RIMS2: variants seen among roughly 807,000 people sequenced by gnomAD.
RIMS2 encodes the protein regulating synaptic membrane exocytosis protein 2.
RIMS2 carries 59 observed loss-of-function variants against 174.4 expected under a neutral mutation model. The ratio of observed to expected loss-of-function variants is 0.34; its 90% CI spans 0.27 to 0.42. The LOEUF (loss-of-function observed/expected upper bound fraction) is 0.42. Among genes scored for constraint, RIMS2 ranks in the 10% least tolerant of loss-of-function variants. RIMS2 has a pLI of 1.00. For missense variants in RIMS2, 1,620 were observed against 1,666.3 expected, an observed-to-expected ratio of 0.97 and a Z score of 0.48; for synonymous variants, 606 against 572.5, an observed-to-expected ratio of 1.06 and a Z score of -0.84.
chr8:103,790,834 A>T (rs2098490549), intron 3 of RIMS2, among the ~76,000 whole-genome samples: 1 of 152,234 alleles, frequency 6.6e-6, no homozygotes, highest in African/African-American at 2.4e-5. Flanking sequence ...TTATGTTTAC[A>T]TTGTAAAAAA....
chr8:103,964,554 T>G (rs1188846361), intron 15 of RIMS2, among the ~76,000 whole-genome samples: 1 of 152,160 alleles, frequency 6.6e-6, no homozygotes, highest in Non-Finnish European at 1.5e-5. Context: ...TCTCTGTATA[T>G]TTTGGACAAC....
intron 14 of RIMS2, among the ~76,000 whole-genome samples, chr8:103,955,780 G>A (rs1456728497): frequency 2.0e-5 from 3 of 152,148 alleles, no homozygotes; most frequent in Admixed American, 6.6e-5. Context: ...GAAACAAAGG[G>A]TACTCAAGTA....
chr8:104,042,785 G>A (rs1325103872), intron 19 of RIMS2, among the ~76,000 whole-genome samples: 2 of 151,550 alleles, frequency 1.3e-5, no homozygotes, highest in Non-Finnish European at 3.0e-5. Context: ...TGGTGGTCTG[G>A]AATTCAGGAG....
chr8:103,648,269 T>C (rs2096382917), intron 1 of RIMS2, among the ~76,000 whole-genome samples: 1 of 152,236 alleles, frequency 6.6e-6, no homozygotes, highest in Non-Finnish European at 1.5e-5. Context: ...TTGATTGTGC[T>C]GTAGTCTGAG....
rs115732550 is a variant in RIMS2, at chr8:103,629,436, C to T, written c.177-67650C>T. Among the ~76,000 whole-genome samples, 953 of 152,204 alleles carry T rather than the reference C, an allele frequency of 6.3e-3. 11 individuals carry two copies. Among genetic ancestry groups the T allele is most frequent in the African/African-American group, 0.022 (920 of 41,508 alleles). On this transcript the variant is annotated intron_variant, in intron 1 of 23. Transcript: ENST00000504942. ...CGGGATAACACATAAGTGGGGCAGA[C>T]CAGAAGCATGTTGGAAAGGCTTTGA...
chr8:103,613,068 C>T (rs746803692), intron 1 of RIMS2, among the ~76,000 whole-genome samples: 9 of 152,112 alleles, frequency 5.9e-5, no homozygotes, highest in Non-Finnish European at 8.8e-5. Context: ...TACTCAAACC[C>T]CTAGGGCTCT....
intron 19 of RIMS2, among the ~76,000 whole-genome samples, chr8:104,109,727 G>C (rs2098143137): frequency 6.6e-6 from 1 of 152,094 alleles, no homozygotes; most frequent in Non-Finnish European, 1.5e-5. Context: ...GAATAGGATA[G>C]ATCCATTTTG....
At chr8:103,637,979 TG>T (rs1438228685) in intron 1 of RIMS2, among the ~76,000 whole-genome samples, 1 of 152,142 alleles carries the variant, frequency 6.6e-6, no homozygotes, top group Non-Finnish European at 1.5e-5. Flanking sequence ...TTCCTCAGTT[TG>T]GGTTTGTTTT....
chr8:104,083,840 G>A (rs2097480680), intron 19 of RIMS2, among the ~76,000 whole-genome samples: 1 of 152,094 alleles, frequency 6.6e-6, no homozygotes, highest in Non-Finnish European at 1.5e-5. Flanking sequence ...CAGATGACAT[G>A]AGTTTGAGCT....
intron 2 of RIMS2, among the ~76,000 whole-genome samples, chr8:103,731,796 T>A (rs1414590601): frequency 4.6e-5 from 7 of 152,206 alleles, no homozygotes; most frequent in Non-Finnish European, 1.0e-4. Context: ...CTTGATTCTT[T>A]TGAATCATTT....
intron 1 of RIMS2, among the ~76,000 whole-genome samples, chr8:103,556,884 A>G (rs975712491): frequency 6.6e-6 from 1 of 152,162 alleles, no homozygotes; most frequent in Non-Finnish European, 1.5e-5. Context: ...TTGTTGCAAC[A>G]TTATAGCATT....
exon 19 of RIMS2, chr8:104,014,605 G>A (rs1336539202): frequency 8.7e-6 from 14 of 1,604,546 alleles, no homozygotes; most frequent in East Asian, 6.7e-5. Context: ...CAAAGGGAAC[G>A]TTGGATAGAA....
chr8:103,796,852 C>T (rs1043870638), intron 3 of RIMS2, among the ~76,000 whole-genome samples: 7 of 152,128 alleles, frequency 4.6e-5, no homozygotes, highest in African/African-American at 1.7e-4. Flanking sequence ...AGGTTGTGTG[C>T]AGCAGAACTC....
intron 3 of RIMS2, among the ~76,000 whole-genome samples, chr8:103,791,292 C>T (rs568589114): frequency 1.3e-5 from 2 of 152,256 alleles, no homozygotes; most frequent in African/African-American, 4.8e-5. Flanking sequence ...AAAGAATTTT[C>T]AATCCAGAAT....
intron 19 of RIMS2, among the ~76,000 whole-genome samples, chr8:104,224,506 AATG>A (rs1440683241): frequency 6.6e-6 from 1 of 152,250 alleles, no homozygotes; most frequent in Non-Finnish European, 1.5e-5. Context: ...TGTCAATCAA[AATG>A]ATAATTGACT....
intron 17 of RIMS2, among the ~76,000 whole-genome samples, chr8:104,012,088 G>A (rs1212357672): frequency 2.0e-5 from 3 of 151,746 alleles, no homozygotes; most frequent in African/African-American, 7.3e-5. Context: ...TACATTTAAT[G>A]TCAGTTAATT....
chr8:104,091,675 T>C (rs896473738), intron 19 of RIMS2, among the ~76,000 whole-genome samples: 2 of 150,662 alleles, frequency 1.3e-5, no homozygotes, highest in Non-Finnish European at 3.0e-5. Flanking sequence ...TAGACAGATA[T>C]AACATGGTTA....
At position 104,054,489 on chromosome 8, in the gene RIMS2, A is replaced by G. The variant is rs1410078375; in HGVS notation, c.3334+39874A>G. Among the ~76,000 whole-genome samples, 4 of 152,314 alleles carry G rather than the reference A, an allele frequency of 2.6e-5. No individual in the cohort carries two copies. In the East Asian group the frequency reaches 7.7e-4, roughly 29 times the overall value. On this transcript the variant is annotated intron_variant, in intron 19 of 23. Coordinates refer to ENST00000504942, the Ensembl canonical transcript of RIMS2. ...TGATCCTAATTTGTCTAAAAATGTT[A>G]ATATCACTTTATAAAAAAAATTTAG...
chr8:103,592,707 C>T (rs10090537), intron 1 of RIMS2, among the ~76,000 whole-genome samples: 27,533 of 151,142 alleles, frequency 0.18, 2,754 homozygotes, highest in African/African-American at 0.26. Flanking sequence ...GGTGCAGAAG[C>T]AATGCAGGTA....
Sources: allele counts gnomAD v4.1 joint callset (sites outside exome capture counted in the v4.1 genomes callset), GRCh38; gene constraint gnomAD v4.1.1; transcripts MANE v1.5; gene names NCBI Gene and HGNC (gene_info 2026-07-23, HGNC 2026-07-21).